UBIAD1: variants seen among roughly 807,000 people sequenced by gnomAD.
UBIAD1 encodes the protein ubiA prenyltransferase domain-containing protein 1.
Under a neutral mutation model 20.1 loss-of-function variants are expected in UBIAD1, and 12 were observed. The observed-to-expected ratio is 0.60, with a 90% CI of 0.38 to 0.97. UBIAD1 has a LOEUF of 0.97. Among genes scored for constraint, UBIAD1 ranks in the 50% least tolerant of loss-of-function variants. UBIAD1 has a pLI of 0.00. For missense variants in UBIAD1, 333 were observed against 419.5 expected, an observed-to-expected ratio of 0.79 and a Z score of 1.80; for synonymous variants, 207 against 189.2, an observed-to-expected ratio of 1.09 and a Z score of -0.77.
At position 11,285,526 on chromosome 1, in the gene UBIAD1, C is replaced by A; in HGVS notation, c.530-118C>A. 6.7e-7 allele frequency: 1 copy of A among 1,496,710 alleles called. No individual in the cohort carries two copies. The allele number at this position is 1,496,710 out of a possible 1,614,324, so 92.7% of individuals were successfully genotyped here. A position where few individuals can be genotyped will look rare whatever the true frequency, so the allele number is the denominator to read the frequency against. On this transcript the variant is annotated intron_variant, in intron 1 of 1. Coordinates refer to ENST00000376810, the MANE Select transcript of UBIAD1 (RefSeq NM_013319.3). The surrounding 1 kb of genome is among the most constrained non-coding windows in gnomAD (Gnocchi z 4.4). ...GTTAAGGGATGAAATGAGTGCCCAC[C>A]TGCACAGTCTAAGGATTTACCATTT...
rs374534129 is a variant in UBIAD1 at position 11,285,623 on chromosome 1, C to A, written c.530-21C>A. 2.0e-5 allele frequency: 32 copies of A among 1,613,990 alleles called. No homozygotes were observed. The African/African-American group carries it at 3.2e-4, about 16-fold the overall frequency. ...TTCCAGCCTTGGTCTCACACCAACT[C>A]TCTGGATTTTCTGGCCGCAGGAATT... On this transcript the variant is annotated intron_variant, in intron 1 of 1. Coordinates refer to ENST00000376810, the MANE Select transcript of UBIAD1 (RefSeq NM_013319.3). This position sits in a 1 kb window ranked among gnomAD's most constrained non-coding sequence, Gnocchi z 4.4.
rs1638270134 is a variant in UBIAD1 at position 11,286,787 on chromosome 1, A to G, written c.*656A>G. The G allele has an allele frequency of 6.5e-6, 1 of 154,078 alleles. No homozygotes were observed. Among genetic ancestry groups the G allele is most frequent in the Non-Finnish European group, 1.4e-5 (1 of 69,308 alleles). The allele number at this position is 154,078 out of a possible 1,614,324, so 9.5% of individuals were successfully genotyped here. On this transcript the variant is annotated 3_prime_UTR_variant, in exon 2 of 2. Coordinates refer to ENST00000376810, the MANE Select transcript of UBIAD1 (RefSeq NM_013319.3). Reference sequence around the variant, plus strand: ...GTGTCAGATTACCCTGCAGCAAGACAAGCCAAGGACTGGGAGGGAAAAAAA... The same window carrying G: ...GTGTCAGATTACCCTGCAGCAAGACGAGCCAAGGACTGGGAGGGAAAAAAA...
chr1:11,281,908 T>G (rs1569897833), intron 1 of UBIAD1, among the ~76,000 whole-genome samples: 1 of 152,348 alleles, frequency 6.6e-6, no homozygotes, highest in Middle Eastern at 3.4e-3. Context: ...GTTTTTGAGA[T>G]TCATTGTTTT....
rs907295937 is a variant in UBIAD1 at position 11,273,338 on chromosome 1, G to A, written c.-194G>A. ...TTCGCCCAGGTGACGGGTAGTAGGG[G>A]CGGCGCCGCTTGGCCTCGTGGGGTG... On this transcript the variant is annotated 5_prime_UTR_variant, in exon 1 of 2. Coordinates refer to ENST00000376810, the MANE Select transcript of UBIAD1 (RefSeq NM_013319.3). This position sits in a 1 kb window ranked among gnomAD's most constrained non-coding sequence, Gnocchi z 4.9. 1 of 640,882 alleles carries A rather than the reference G, an allele frequency of 1.6e-6. No individual in the cohort carries two copies. The allele number at this position is 640,882 out of a possible 1,614,324, so 39.7% of individuals were successfully genotyped here.
intron 1 of UBIAD1, chr1:11,278,887 C>G (rs1406948806): frequency 6.2e-6 from 2 of 323,242 alleles, no homozygotes; most frequent in African/African-American, 4.4e-5. Context: ...ATTTTTGAGA[C>G]AGAGGCTCGC....
intron 1 of UBIAD1, chr1:11,278,550 A>T (rs1040550768): frequency 1.0e-6 from 1 of 1,001,660 alleles, no homozygotes; most frequent in South Asian, 3.5e-5. Context: ...GTGATATTTA[A>T]TCAAGACATT....
At chr1:11,295,520 T>A (rs1285391754), downstream of UBIAD1, 1 of 152,984 alleles carries the variant, frequency 6.5e-6, no homozygotes, top group African/African-American at 2.4e-5. Context: ...TGGCGGGGCA[T>A]TTAATCATCC....
In UBIAD1 at chr1:11,273,422, G is replaced by A; in HGVS notation, c.-110G>A. The A allele has an allele frequency of 1.4e-6, 2 of 1,400,008 alleles. No homozygotes were observed. Among genetic ancestry groups the A allele is most frequent in the Non-Finnish European group, 2.0e-6 (2 of 1,009,186 alleles). 86.7% of individuals were successfully genotyped at this position (1,400,008 alleles called of 1,614,324 possible). ...CGCCACACCAGCCCTGTCCTGGGGC[G>A]GAACCGAAGGAAGGTCGGGCCCTGC... On this transcript the variant is annotated 5_prime_UTR_variant, in exon 1 of 2. Coordinates refer to ENST00000376810, the MANE Select transcript of UBIAD1 (RefSeq NM_013319.3). The surrounding 1 kb of genome is among the most constrained non-coding windows in gnomAD (Gnocchi z 4.9).
chr1:11,280,368 C>G (rs946214863), intron 1 of UBIAD1, among the ~76,000 whole-genome samples: 2 of 152,158 alleles, frequency 1.3e-5, no homozygotes, highest in African/African-American at 2.4e-5. Flanking sequence ...CTCCAGGGCT[C>G]AGTCCTTGGG....
chr1:11,289,445 G>A (rs931560322), downstream of UBIAD1, among the ~76,000 whole-genome samples: 1 of 152,094 alleles, frequency 6.6e-6, no homozygotes, highest in Non-Finnish European at 1.5e-5. Flanking sequence ...ATACACTAAG[G>A]TCCCAAAATC....
At chr1:11,293,181 G>A (rs899669226), downstream of UBIAD1, among the ~76,000 whole-genome samples, 2 of 152,214 alleles carry the variant, frequency 1.3e-5, no homozygotes, top group African/African-American at 4.8e-5. Context: ...TCACAAGTTG[G>A]TCTGGGCGCT....
At chr1:11,288,674 A>G (rs183047101), downstream of UBIAD1, among the ~76,000 whole-genome samples, 2 of 152,304 alleles carry the variant, frequency 1.3e-5, no homozygotes, top group African/African-American at 4.8e-5. Flanking sequence ...TTGTGAGGCC[A>G]AGGTGAGAGG....
At chr1:11,283,142 G>T (rs1029153643) in intron 1 of UBIAD1, among the ~76,000 whole-genome samples, 1 of 152,186 alleles carries the variant, frequency 6.6e-6, no homozygotes, top group African/African-American at 2.4e-5. Context: ...GATTACAGGC[G>T]TGAGCCACCA....
intron 1 of UBIAD1, among the ~76,000 whole-genome samples, chr1:11,282,846 G>A (rs1329054402): frequency 4.0e-5 from 6 of 149,306 alleles, no homozygotes; most frequent in African/African-American, 1.2e-4. Flanking sequence ...GAATTACAGC[G>A]TGAGCCACTG....
intron 1 of UBIAD1, among the ~76,000 whole-genome samples, chr1:11,274,376 G>A (rs1040999426): frequency 6.6e-6 from 1 of 152,162 alleles, no homozygotes; most frequent in Non-Finnish European, 1.5e-5. Flanking sequence ...TCGGCCCACT[G>A]CAGCCTCTGC....
chr1:11,297,967 GT>G (rs563239405), downstream of UBIAD1, among the ~76,000 whole-genome samples: 7 of 148,020 alleles, frequency 4.7e-5, no homozygotes, highest in Admixed American at 1.4e-4. Context: ...TTGTTTTTTT[GT>G]TTTTTTTTTG....
At chr1:11,278,235 GA>G (rs1652123504) in intron 1 of UBIAD1, among the ~76,000 whole-genome samples, 1 of 152,196 alleles carries the variant, frequency 6.6e-6, no homozygotes, top group Admixed American at 6.5e-5. Flanking sequence ...TGGGATTACA[GA>G]CATGAGCCAC....
chr1:11,290,299 C>T (rs1050889465), downstream of UBIAD1, among the ~76,000 whole-genome samples: 3 of 152,214 alleles, frequency 2.0e-5, no homozygotes, highest in African/African-American at 7.2e-5. Context: ...GGGCCAGAGC[C>T]AGGGATTTTT....
chr1:11,277,183 A>T (rs1652064646), intron 1 of UBIAD1, among the ~76,000 whole-genome samples: 1 of 152,004 alleles, frequency 6.6e-6, no homozygotes, highest in South Asian at 2.1e-4. Flanking sequence ...GTGAGCCAAG[A>T]TCTCATCACT....
Sources: gnomAD v4.1 joint callset for allele counts (sites outside exome capture counted in the v4.1 genomes callset) on GRCh38, gnomAD v4.1.1 for gene constraint, Gnocchi (gnomAD v3.1) non-coding constraint, MANE v1.5 for transcripts, NCBI Gene and HGNC (gene_info 2026-07-23, HGNC 2026-07-21) for gene names.